TMTC2: variants seen among roughly 807,000 people sequenced by gnomAD.
TMTC2 encodes transmembrane O-mannosyltransferase targeting cadherins 2.
TMTC2 carries 43 observed loss-of-function variants against 82.4 expected under a neutral mutation model. The ratio of observed to expected loss-of-function variants is 0.52; its 90% confidence interval spans 0.41 to 0.67. TMTC2 has a LOEUF of 0.67. Ranked by LOEUF, TMTC2 falls within the 30% of genes least tolerant of loss-of-function variation. TMTC2 has a pLI of 0.00. For synonymous variants in TMTC2, 408 were observed against 381.9 expected, an observed-to-expected ratio of 1.07 and a Z score of -0.80; for missense variants, 919 against 1,012.4, an observed-to-expected ratio of 0.91 and a Z score of 1.25.
At chr12:82,793,078 G>A (rs1055967321) in intron 1 of TMTC2, among the ~76,000 whole-genome samples, 10 of 152,050 alleles carry the variant, frequency 6.6e-5, no homozygotes, top group African/African-American at 2.2e-4. Flanking sequence ...ACATATGCAC[G>A]TAACCACTGC....
chr12:83,100,681 A>C (rs1021547610), intron 11 of TMTC2, among the ~76,000 whole-genome samples: 8 of 152,160 alleles, frequency 5.3e-5, no homozygotes, highest in African/African-American at 1.9e-4. Context: ...AATTAGGTAG[A>C]TAAAACAGCT....
At chr12:82,908,071 C>G (rs868002294) in intron 3 of TMTC2, among the ~76,000 whole-genome samples, 1 of 151,988 alleles carries the variant, frequency 6.6e-6, no homozygotes, top group Admixed American at 6.6e-5. Context: ...GAGACTGTAC[C>G]GAGGGCAACA....
intron 4 of TMTC2, among the ~76,000 whole-genome samples, chr12:82,960,548 T>C (rs1877872595): frequency 6.6e-6 from 1 of 152,038 alleles, no homozygotes; most frequent in Admixed American, 6.6e-5. Context: ...ACTGCATGTT[T>C]TCACTTGGAA....
intron 11 of TMTC2, among the ~76,000 whole-genome samples, chr12:83,091,172 C>T (rs929357212): frequency 1.3e-5 from 2 of 152,072 alleles, no homozygotes; most frequent in Non-Finnish European, 2.9e-5. Context: ...CCCTTTTGCA[C>T]AGGTGACAGT....
chr12:82,700,917 C>T lies in TMTC2; in HGVS notation c.83+13248C>T, dbSNP rs536420689. Among the ~76,000 whole-genome samples, 156 of 152,118 alleles carry T rather than the reference C, an allele frequency of 1.0e-3. 1 individual carries two copies. The highest frequency in any genetic ancestry group is 1.2e-3 in the Non-Finnish European group (83 of 68,030). On this transcript the variant is annotated intron_variant, in intron 1 of 11. Transcript: ENST00000321196. Reference sequence around the variant, plus strand: ...AGGTGAAGGAGGAGCAAAGGCACGGCTTACATGGAGGCAGGCAAGAGAGTA... The same window carrying T: ...AGGTGAAGGAGGAGCAAAGGCACGGTTTACATGGAGGCAGGCAAGAGAGTA...
chr12:83,074,192 T>A (rs570400468), intron 11 of TMTC2, among the ~76,000 whole-genome samples: 1 of 152,274 alleles, frequency 6.6e-6, no homozygotes, highest in Non-Finnish European at 1.5e-5. Context: ...CTCCTCCCCC[T>A]TTTCCTATGG....
At chr12:82,979,302 G>A (rs1454362593) in intron 7 of TMTC2, among the ~76,000 whole-genome samples, 2 of 151,360 alleles carry the variant, frequency 1.3e-5, no homozygotes, top group Non-Finnish European at 3.0e-5. Context: ...CTGGTTGTAT[G>A]TTTTAATTTC....
At chr12:83,076,012 A>G (rs1883273902) in intron 11 of TMTC2, among the ~76,000 whole-genome samples, 1 of 152,322 alleles carries the variant, frequency 6.6e-6, no homozygotes, top group Non-Finnish European at 1.5e-5. Flanking sequence ...GTAAGTTTCC[A>G]TGCTTAGAAG....
intron 1 of TMTC2, among the ~76,000 whole-genome samples, chr12:82,768,065 G>C (rs1414457084): frequency 6.6e-6 from 1 of 152,250 alleles, no homozygotes; most frequent in Non-Finnish European, 1.5e-5. Flanking sequence ...GCTCAGAGCA[G>C]TTTATCTCCC....
Position 83,030,895 on chromosome 12 carries a change from T to C in TMTC2, c.2152+16T>C. ...ATGCATTATGGTGAGTGGTTGATAG[T>C]TTTTTTTCCATGTCCCCCACATTTA... is the stretch of plus-strand genomic sequence containing the variant. On this transcript the variant is annotated intron_variant, in intron 9 of 11. Transcript: ENST00000321196. 1 of 1,583,762 alleles carries C rather than the reference T, an allele frequency of 6.3e-7. No homozygotes were observed. Among genetic ancestry groups the C allele is most frequent in the Non-Finnish European group, 8.7e-7 (1 of 1,153,340 alleles).
chr12:82,932,374 C>T (rs1015634294), intron 4 of TMTC2, among the ~76,000 whole-genome samples: 10 of 152,086 alleles, frequency 6.6e-5, no homozygotes, highest in Non-Finnish European at 1.5e-5. Context: ...AATTCTTTCA[C>T]ATGAAGCACA....
chr12:82,912,063 A>G (rs1197750155), intron 3 of TMTC2, among the ~76,000 whole-genome samples: 3 of 152,230 alleles, frequency 2.0e-5, no homozygotes, highest in Non-Finnish European at 4.4e-5. Flanking sequence ...CCATTCTTTC[A>G]GTGATCTTAA....
Position 82,855,027 on chromosome 12 carries a change from A to G in TMTC2, c.84-1983A>G, listed in dbSNP as rs542062222. Reference sequence around the variant, plus strand: ...TAGGGTGTCCAGAACACTCATGTATATGTAAAGCACTGTTCTCTGCTTCTC... The same window carrying G: ...TAGGGTGTCCAGAACACTCATGTATGTGTAAAGCACTGTTCTCTGCTTCTC... On this transcript the variant is annotated intron_variant, in intron 1 of 11. Coordinates refer to ENST00000321196, the MANE Select transcript of TMTC2 (RefSeq NM_152588.3). Among the ~76,000 whole-genome samples, 290 of 152,346 alleles carry G rather than the reference A, an allele frequency of 1.9e-3. 2 individuals are homozygous for G. The highest frequency in any genetic ancestry group is 3.4e-3 in the Middle Eastern group (1 of 294).
chr12:82,981,977 C>T (rs1347274596), intron 7 of TMTC2, among the ~76,000 whole-genome samples: 1 of 150,716 alleles, frequency 6.6e-6, no homozygotes, highest in African/African-American at 2.4e-5. Context: ...CCAGAGAAAA[C>T]TCTAATCTGA....
chr12:82,848,947 G>A (rs1372209483), intron 1 of TMTC2, among the ~76,000 whole-genome samples: 2 of 152,108 alleles, frequency 1.3e-5, no homozygotes, highest in Non-Finnish European at 2.9e-5. Flanking sequence ...GGTAGAGGGG[G>A]AAAAGAAATG....
At position 82,773,777 on chromosome 12, in the gene TMTC2, A is replaced by G. The variant is rs192607299; in HGVS notation, c.84-83233A>G. ...CCTAGCCACTGATACTTCTTTAGCC[A>G]GGATATTAATGCTTGAGCCCTAAAG... On this transcript the variant is annotated intron_variant, in intron 1 of 11. Coordinates refer to ENST00000321196, the MANE Select transcript of TMTC2 (RefSeq NM_152588.3). Among the ~76,000 whole-genome samples the G allele has an allele frequency of 8.5e-5, 13 of 152,216 alleles. No homozygotes were observed. The East Asian group carries it at 2.5e-3, about 29-fold the overall frequency.
At chr12:83,072,336 T>G (rs1344212821) in intron 11 of TMTC2, among the ~76,000 whole-genome samples, 1 of 152,206 alleles carries the variant, frequency 6.6e-6, no homozygotes, top group Admixed American at 6.5e-5. Flanking sequence ...GGAGTTGATT[T>G]CCGGCTTTAT....
intron 8 of TMTC2, among the ~76,000 whole-genome samples, chr12:83,001,444 C>G (rs1879916063): frequency 6.8e-6 from 1 of 147,896 alleles, no homozygotes; most frequent in South Asian, 2.3e-4. Flanking sequence ...TCAAGACTAA[C>G]CTGACCGACA....
intron 8 of TMTC2, among the ~76,000 whole-genome samples, chr12:82,993,409 G>T (rs1394117804): frequency 6.6e-6 from 1 of 151,146 alleles, no homozygotes; most frequent in Non-Finnish European, 1.5e-5. Flanking sequence ...AAATTTTTTG[G>T]AGATTTGCAA....
Sources: gnomAD v4.1 joint callset for allele counts (sites outside exome capture counted in the v4.1 genomes callset) on GRCh38, gnomAD v4.1.1 for gene constraint, MANE v1.5 for transcripts, NCBI Gene and HGNC (gene_info 2026-07-23, HGNC 2026-07-21) for gene names.